The following G3BP2 variants were observed in gnomAD, a reference collection of about 807,000 sequenced individuals.
G3BP2 encodes the protein G3BP stress granule assembly factor 2, also known as ras GTPase-activating protein-binding protein 2.
Under a neutral mutation model 56.7 loss-of-function variants are expected in G3BP2, and 11 were observed. That is an observed-to-expected ratio of 0.19 (90% CI 0.12 to 0.32). G3BP2 has a LOEUF of 0.32. Ranked by LOEUF, G3BP2 falls within the 10% of genes least tolerant of loss-of-function variation. The pLI, the probability that G3BP2 is intolerant of heterozygous loss-of-function variation, is 1.00. For missense variants in G3BP2, 340 were observed against 610.9 expected (o/e 0.56, Z 4.67); for synonymous variants, 165 against 191.6 (o/e 0.86, Z 1.15).
chr4:75,684,511 T>G (rs1036674361), intron 3 of G3BP2, among the ~76,000 whole-genome samples: 6 of 152,132 alleles, frequency 3.9e-5, no homozygotes, highest in African/African-American at 1.4e-4. Context: ...TATTTAAATG[T>G]TGCTCTAAAC....
intron 2 of G3BP2, chr4:75,661,673 G>C: frequency 3.6e-6 from 1 of 274,916 alleles, no homozygotes; most frequent in Non-Finnish European, 6.9e-6. Flanking sequence ...TAAAATACTA[G>C]AGTACATATA....
chr4:75,712,701 G>A (rs968351401), intron 3 of G3BP2, among the ~76,000 whole-genome samples: 2 of 151,910 alleles, frequency 1.3e-5, no homozygotes, highest in Non-Finnish European at 2.9e-5. Context: ...CCCCAAAAGT[G>A]AACAATTATC....
intron 3 of G3BP2, among the ~76,000 whole-genome samples, chr4:75,704,286 G>C (rs906660477): frequency 1.3e-5 from 2 of 151,838 alleles, no homozygotes; most frequent in African/African-American, 4.8e-5. Flanking sequence ...CAAAGTGCTG[G>C]GATTACAGGC....
upstream of G3BP2, chr4:75,673,584 G>C: frequency 6.5e-6 from 8 of 1,231,876 alleles, no homozygotes; most frequent in Non-Finnish European, 8.1e-6. Flanking sequence ...ACACGCTCGC[G>C]CCCGGAAAGC....
chr4:75,661,710 T>C, intron 2 of G3BP2: 1 of 469,014 alleles, frequency 2.1e-6, no homozygotes, highest in South Asian at 2.8e-5. Flanking sequence ...TATATAGATA[T>C]GAATGTGTTA....
chr4:75,646,418 C>T lies in G3BP2; in HGVS notation c.1096G>A (p.Gly366Ser). The change falls in exon 11 of 12, where the codon GGT (glycine) becomes AGT (serine). Residue 366 changes from glycine (G) to serine (S), a missense_variant. This residue lies in a region of G3BP2 where 94 missense variants were observed against 173.8 expected (regional missense o/e 0.54). Transcript: ENST00000359707. ...AAATTTGGAAGCTTTCCCCCAACAC[C>T]CTTGGTATTGATGCGAAGTTCCACA... ...NVVELRINTK[G>S]VGGKLPNFGF... The T allele has an allele frequency of 1.2e-6, 2 of 1,611,210 alleles. No homozygotes were observed. The highest frequency in any genetic ancestry group is 1.1e-5 in the South Asian group (1 of 90,782).
At chr4:75,664,270 C>G (rs1261492447) in intron 1 of G3BP2, among the ~76,000 whole-genome samples, 1 of 151,872 alleles carries the variant, frequency 6.6e-6, no homozygotes, top group Non-Finnish European at 1.5e-5. Context: ...CTGGGTAAAT[C>G]AGGATGCAGT....
intron 3 of G3BP2, among the ~76,000 whole-genome samples, chr4:75,720,663 G>A (rs937655559): frequency 1.3e-5 from 2 of 151,610 alleles, no homozygotes; most frequent in African/African-American, 4.8e-5. Context: ...AGGCATGGTG[G>A]CATGTGCCTC....
intron 3 of G3BP2, among the ~76,000 whole-genome samples, chr4:75,695,993 AAAAAAAAAG>A (rs56237954): frequency 0.66 from 69,510 of 104,560 alleles, 20,846 homozygotes; most frequent in East Asian, 0.84. Flanking sequence ...AAAAAAAAAA[AAAAAAAAAG>A]AGTTAACAGA....
In G3BP2 at chr4:75,660,591, G is replaced by C. The variant is rs573178866; in HGVS notation, c.95+1340C>G. Among the ~76,000 whole-genome samples, 14 of 152,162 alleles carry C rather than the reference G, an allele frequency of 9.2e-5. No homozygotes were observed. The East Asian group carries it at 1.7e-3, about 19-fold the overall frequency. ...TACATACGTAAAGTAATTACAAATA[G>C]AGCCAAGCAAACAGTAAATATAAAA... On this transcript the variant is annotated intron_variant, in intron 2 of 11. Transcript: ENST00000359707.
intron 10 of G3BP2, 39 bp from the exon 11 acceptor site, chr4:75,646,495 T>A (rs754785470): frequency 4.6e-6 from 5 of 1,085,674 alleles, no homozygotes; most frequent in African/African-American, 1.5e-5. Flanking sequence ...TAAATATTTT[T>A]AACAGAATAC....
intron 3 of G3BP2, among the ~76,000 whole-genome samples, chr4:75,700,235 G>T (rs1719285176): frequency 6.6e-6 from 1 of 151,462 alleles, no homozygotes; most frequent in Admixed American, 6.6e-5. Context: ...TGTATTTTTA[G>T]TAGAGACGGG....
At chr4:75,711,315 T>A (rs1372411501) in intron 3 of G3BP2, among the ~76,000 whole-genome samples, 1 of 140,654 alleles carries the variant, frequency 7.1e-6, no homozygotes. Flanking sequence ...TGAGACCCCA[T>A]CTCAAAGAAA....
rs199577658 is a variant in G3BP2 at position 75,710,497 on chromosome 4, G to A, written c.-25+10380C>T. Among the ~76,000 whole-genome samples, 9 of 152,280 alleles carry A rather than the reference G, an allele frequency of 5.9e-5. No individual in the cohort carries two copies. In the East Asian group the frequency reaches 1.7e-3, roughly 29 times the overall value. On this transcript the variant is annotated intron_variant, in intron 3 of 3. Transcript: ENST00000499709. ...AAGCAAAATTGACCCTTTAACAATA[G>A]GGGTTTGAACTTTCTCCCACAAGAA... is the stretch of plus-strand genomic sequence containing the variant.
intron 3 of G3BP2, among the ~76,000 whole-genome samples, chr4:75,697,415 C>T (rs1189857745): frequency 6.6e-6 from 1 of 151,146 alleles, no homozygotes; most frequent in Non-Finnish European, 1.5e-5. Flanking sequence ...ATAAGATTAG[C>T]CTTGTGTCGA....
intron 1 of G3BP2, among the ~76,000 whole-genome samples, chr4:75,667,236 C>T (rs1203917016): frequency 6.7e-6 from 1 of 148,844 alleles, no homozygotes; most frequent in African/African-American, 2.5e-5. Context: ...CTGCAGCGAG[C>T]CAAGATGGCA....
intron 3 of G3BP2, among the ~76,000 whole-genome samples, chr4:75,687,807 C>T (rs992133197): frequency 1.1e-4 from 16 of 152,180 alleles, no homozygotes; most frequent in African/African-American, 3.4e-4. Context: ...TGGAGATACA[C>T]TCCTTGTCTA....
At chr4:75,653,399 A>T (rs1017582702) in intron 8 of G3BP2, among the ~76,000 whole-genome samples, 1 of 152,086 alleles carries the variant, frequency 6.6e-6, no homozygotes. Flanking sequence ...TCTTATTTTC[A>T]CATTTTTGAA....
Position 75,704,173 on chromosome 4 carries a change from C to T in G3BP2, c.-25+16704G>A, listed in dbSNP as rs907543730. 3.0e-4 allele frequency among the ~76,000 whole-genome samples: 45 copies of T among 151,940 alleles called. 2 individuals are homozygous for T. Among genetic ancestry groups the T allele is most frequent in the African/African-American group, 9.7e-4 (40 of 41,438 alleles). ...AGCTGGGATTACAGGCACGCGCCAC[C>T]ATGCCCGGCTAATTTTTGTATTTTT... is the stretch of plus-strand genomic sequence containing the variant. On this transcript the variant is annotated intron_variant, in intron 3 of 3. Coordinates refer to the G3BP2 transcript ENST00000499709.
Sources: gnomAD v4.1 joint callset for allele counts (sites outside exome capture counted in the v4.1 genomes callset) on GRCh38, gnomAD v4.1.1 for gene constraint, gnomAD v4.1.1 regional missense constraint, MANE v1.5 for transcripts, NCBI Gene and HGNC (gene_info 2026-07-23, HGNC 2026-07-21) for gene names.